Variants in PCSK6 observed in about 807,000 individuals in gnomAD.
PCSK6 encodes paired basic amino acid cleaving enzyme 4.
In PCSK6, 85 loss-of-function variants were observed where a neutral mutation model predicts 123.3. The observed-to-expected ratio is 0.69, with a 90% CI of 0.58 to 0.83. PCSK6 has a LOEUF of 0.83. Ranked by LOEUF, PCSK6 falls within the 40% of genes least tolerant of loss-of-function variation. The pLI is 0.00. For missense variants in PCSK6, 1,191 were observed against 1,282.3 expected (o/e 0.93, Z 1.09); for synonymous variants, 508 against 516.0 (o/e 0.98, Z 0.21).
At chr15:101,470,000 G>A (rs181074929) in intron 1 of PCSK6, among the ~76,000 whole-genome samples, 5 of 152,302 alleles carry the variant, frequency 3.3e-5, no homozygotes, top group South Asian at 2.1e-4. Flanking sequence ...CGCGCTGAGT[G>A]CTCACTTCGG....
At chr15:101,358,625 G>C (rs2041117514) in intron 13 of PCSK6, among the ~76,000 whole-genome samples, 1 of 152,202 alleles carries the variant, frequency 6.6e-6, no homozygotes, top group Non-Finnish European at 1.5e-5. Flanking sequence ...TGTCTGTTAG[G>C]ATACGCAGAC....
Position 101,366,235 on chromosome 15 carries a change from G to T in PCSK6, c.1819C>A (p.Gln607Lys). 6.2e-7 allele frequency: 1 copy of T among 1,613,498 alleles called. No individual in the cohort carries two copies. Residue 607 changes from glutamine to lysine, a missense_variant, in exon 13 of 22, where the codon CAA (glutamine) becomes AAA (lysine). This residue lies in a region of PCSK6 where 630 missense variants were observed against 631.4 expected (regional missense o/e 1.00). Coordinates refer to ENST00000611716, the MANE Select transcript of PCSK6 (RefSeq NM_002570.5). ...TTGCGGACCTGGGATGGCAGATCTT[G>T]GATTTCCAAGGTCCACTGCCCTTCA... ...KAEGQWTLEI[Q>K]DLPSQVRNPE...
At chr15:101,427,576 G>A (rs1482371941) in intron 6 of PCSK6, among the ~76,000 whole-genome samples, 2 of 152,240 alleles carry the variant, frequency 1.3e-5, no homozygotes, top group Non-Finnish European at 2.9e-5. Flanking sequence ...AGGGCTATGG[G>A]CAGCGGGGAA....
chr15:101,463,657 C>A (rs1269999204), intron 1 of PCSK6, among the ~76,000 whole-genome samples: 1 of 152,136 alleles, frequency 6.6e-6, no homozygotes, highest in African/African-American at 2.4e-5. Context: ...AGTTGCCTTT[C>A]TGGGTGTGAG....
chr15:101,354,002 AT>A (rs1181679108), intron 13 of PCSK6, among the ~76,000 whole-genome samples: 1 of 152,170 alleles, frequency 6.6e-6, no homozygotes, highest in East Asian at 1.9e-4. Context: ...TCCTCCCACC[AT>A]CCCTGGGCAG....
chr15:101,360,557 TG>T (rs1221209325), intron 13 of PCSK6, among the ~76,000 whole-genome samples: 21 of 126,778 alleles, frequency 1.7e-4, no homozygotes, highest in East Asian at 8.3e-4. Flanking sequence ...TAGCATCCCC[TG>T]GAACACACCA....
Position 101,364,338 on chromosome 15 carries a change from GC to G in PCSK6, c.1858+1857del, listed in dbSNP as rs553260153. On this transcript the variant is annotated intron_variant, in intron 13 of 21. Transcript: ENST00000611716. Reference sequence around the variant, plus strand: ...CATTCGACCCAGAGAACAAAGACAGGCGTTTATAGACCTTTGTGGGTAACTA... The same window carrying G: ...CATTCGACCCAGAGAACAAAGACAGGGTTTATAGACCTTTGTGGGTAACTA... 4.6e-5 allele frequency among the ~76,000 whole-genome samples: 7 copies of G among 152,284 alleles called. No homozygotes were observed. In the East Asian group the frequency reaches 1.2e-3, roughly 25 times the overall value.
At chr15:101,351,090 G>A (rs754820232) in intron 13 of PCSK6, among the ~76,000 whole-genome samples, 3 of 152,180 alleles carry the variant, frequency 2.0e-5, no homozygotes, top group Non-Finnish European at 4.4e-5. Flanking sequence ...CTACACAGGG[G>A]AAGCACTATC....
intron 1 of PCSK6, among the ~76,000 whole-genome samples, chr15:101,445,821 A>T (rs2056874456): frequency 6.6e-6 from 1 of 152,264 alleles, no homozygotes; most frequent in African/African-American, 2.4e-5. Flanking sequence ...GACTAATTGC[A>T]GCAGTGCTGA....
chr15:101,403,709 C>CTTTATTTA lies in PCSK6; in HGVS notation c.824-5141_824-5134dup, dbSNP rs71287805. ...ATTTTTGGATTATTCATGCCATTGC[C>CTTTATTTA]TTTATTTATTTATTTATTTATTTAT... is the stretch of plus-strand genomic sequence containing the variant. On this transcript the variant is annotated intron_variant, in intron 6 of 21. Coordinates refer to ENST00000611716, the MANE Select transcript of PCSK6 (RefSeq NM_002570.5). 8.8e-3 allele frequency among the ~76,000 whole-genome samples: 1,334 copies of CTTTATTTA among 151,904 alleles called. 13 individuals carry two copies. The highest frequency in any genetic ancestry group is 0.031 in the South Asian group (150 of 4,784).
intron 5 of PCSK6, among the ~76,000 whole-genome samples, chr15:101,428,252 A>G (rs2056326106): frequency 6.6e-6 from 1 of 152,034 alleles, no homozygotes; most frequent in Non-Finnish European, 1.5e-5. Context: ...CCCATGTGGG[A>G]GGAAGGTGCC....
At chr15:101,344,472 T>TG (rs2040686914) in intron 13 of PCSK6, among the ~76,000 whole-genome samples, 1 of 152,176 alleles carries the variant, frequency 6.6e-6, no homozygotes, top group South Asian at 2.1e-4. Flanking sequence ...GTTTGGCTGA[T>TG]GAAGGACTGG....
chr15:101,439,314 C>A (rs1029417924), intron 2 of PCSK6, among the ~76,000 whole-genome samples: 1 of 152,212 alleles, frequency 6.6e-6, no homozygotes, highest in Admixed American at 6.5e-5. Context: ...GATATCTAAG[C>A]GGAAGGGCAG....
chr15:101,304,910 G>A lies in PCSK6; in HGVS notation c.*348C>T, dbSNP rs1256921270. ...CACGGGGAGAAGAGTGATGTGTGATGCCAAGCGCCTTTCTTTTCTGCTTTG... is the reference window on the plus strand; with the variant it reads ...CACGGGGAGAAGAGTGATGTGTGATACCAAGCGCCTTTCTTTTCTGCTTTG... On this transcript the variant is annotated 3_prime_UTR_variant, in exon 22 of 22. Transcript: ENST00000611716. 2 of 226,466 alleles carry A rather than the reference G, an allele frequency of 8.8e-6. No homozygotes were observed. Among genetic ancestry groups the A allele is most frequent in the East Asian group, 2.1e-4 (2 of 9,492 alleles). 14.0% of individuals were successfully genotyped at this position (226,466 alleles called of 1,614,324 possible).
intron 13 of PCSK6, among the ~76,000 whole-genome samples, chr15:101,355,595 C>T (rs2041013191): frequency 6.6e-6 from 1 of 152,252 alleles, no homozygotes; most frequent in Non-Finnish European, 1.5e-5. Context: ...ACCCAGCAGA[C>T]CCGGCATGGG....
intron 11 of PCSK6, 137 bp from the exon 12 acceptor site, chr15:101,370,660 C>T (rs1040217902): frequency 9.5e-6 from 6 of 632,760 alleles, no homozygotes; most frequent in Non-Finnish European, 1.4e-5. Flanking sequence ...GCCGCAGCAG[C>T]CTCTGACTGC....
intron 11 of PCSK6, among the ~76,000 whole-genome samples, chr15:101,374,540 C>T (rs1384328938): frequency 6.6e-6 from 1 of 152,090 alleles, no homozygotes; most frequent in African/African-American, 2.4e-5. Flanking sequence ...CTCACTGGGC[C>T]CATGAATGTT....
intron 13 of PCSK6, among the ~76,000 whole-genome samples, chr15:101,362,159 T>C (rs1372364596): frequency 6.6e-6 from 1 of 152,090 alleles, no homozygotes; most frequent in Non-Finnish European, 1.5e-5. Flanking sequence ...GGTTTCACCA[T>C]GTTGGCCAGG....
intron 2 of PCSK6, among the ~76,000 whole-genome samples, chr15:101,432,356 C>T (rs2141121587): frequency 6.6e-6 from 1 of 151,806 alleles, no homozygotes; most frequent in South Asian, 2.1e-4. Context: ...AAAGAAAGTG[C>T]TCACGCCTGT....
Sources: allele counts gnomAD v4.1 joint callset (sites outside exome capture counted in the v4.1 genomes callset), GRCh38; gene constraint gnomAD v4.1.1; regional missense constraint gnomAD v4.1.1; transcripts MANE v1.5; gene names NCBI Gene and HGNC (gene_info 2026-07-23, HGNC 2026-07-21).